Variants in BEND3 observed in about 807,000 individuals in gnomAD.
BEND3 encodes the protein BEN domain containing 3, also known as BEN domain-containing protein 3.
A neutral mutation model predicts 60.1 loss-of-function variants in BEND3; 13 were observed. The observed-to-expected ratio is 0.22, with a 90% confidence interval of 0.14 to 0.34. BEND3 has a LOEUF of 0.34. Ranked by LOEUF, BEND3 falls within the 10% of genes least tolerant of loss-of-function variation. The pLI is 1.00. For synonymous variants in BEND3, 497 were observed against 491.5 expected, an observed-to-expected ratio of 1.01 and a Z score of -0.15; for missense variants, 896 against 1,138.1, an observed-to-expected ratio of 0.79 and a Z score of 3.06.
At chr6:107,096,365 A>G (rs534276115) in intron 3 of BEND3, among the ~76,000 whole-genome samples, 2 of 152,324 alleles carry the variant, frequency 1.3e-5, no homozygotes, top group Admixed American at 6.5e-5. Context: ...TAATCCCAGC[A>G]ATCTGGAAGG....
At position 107,069,365 on chromosome 6, in the gene BEND3, G is replaced by A. The variant is rs782176991; in HGVS notation, c.1826C>T (p.Ser609Phe). The A allele has an allele frequency of 8.7e-6, 14 of 1,612,770 alleles. No individual in the cohort carries two copies. Among genetic ancestry groups the A allele is most frequent in the Non-Finnish European group, 1.2e-5 (14 of 1,179,904 alleles). The change falls in exon 4 of 4, where the codon TCC becomes TTC. Residue 609 changes from serine to phenylalanine, a missense_variant. By Grantham distance (155) the Ser-to-Phe change is radical. Coordinates refer to ENST00000369042, the MANE Select transcript of BEND3 (RefSeq NM_001367314.1). ...GSLGKKQLDPSRIKLIRHYVQ... is the reference protein window; with the variant it reads ...GSLGKKQLDPFRIKLIRHYVQ... ...GTAGTGGCGGATGAGCTTGATGCGG[G>A]AGGGGTCCAGCTGCTTCTTGCCCAG...
chr6:107,097,498 G>A (rs993002467), intron 3 of BEND3, among the ~76,000 whole-genome samples: 1 of 149,650 alleles, frequency 6.7e-6, no homozygotes, highest in Non-Finnish European at 1.5e-5. Flanking sequence ...GTAAATAAAA[G>A]TATCACTCAT....
At chr6:107,098,781 T>G (rs574342843) in intron 2 of BEND3, 28 bp from the exon 3 acceptor site, 9 of 1,601,050 alleles carry the variant, frequency 5.6e-6, no homozygotes, top group South Asian at 4.4e-5. Context: ...TAGGGCTCAG[T>G]GGGAAAAACC....
intron 1 of BEND3, among the ~76,000 whole-genome samples, chr6:107,108,938 G>A (rs1562318228): frequency 6.6e-6 from 1 of 152,118 alleles, no homozygotes; most frequent in Non-Finnish European, 1.5e-5. Context: ...CCGAGTAGCT[G>A]GGACAACAGT....
intron 1 of BEND3, among the ~76,000 whole-genome samples, chr6:107,101,111 A>T (rs894146430): frequency 6.6e-6 from 1 of 152,178 alleles, no homozygotes; most frequent in Non-Finnish European, 1.5e-5. Flanking sequence ...CTGAGGCAGG[A>T]GAACTGCTTG....
chr6:107,102,408 C>A (rs1285264681), intron 1 of BEND3, among the ~76,000 whole-genome samples: 6 of 152,168 alleles, frequency 3.9e-5, no homozygotes, highest in African/African-American at 1.4e-4. Flanking sequence ...GCAATTTGGC[C>A]TCTGAATTTT....
At chr6:107,103,979 GA>G (rs1775759011) in intron 1 of BEND3, among the ~76,000 whole-genome samples, 1 of 145,030 alleles carries the variant, frequency 6.9e-6, no homozygotes, top group Non-Finnish European at 1.5e-5. Flanking sequence ...AAGAAAGAAA[GA>G]AAGAAAGAAA....
intron 3 of BEND3, among the ~76,000 whole-genome samples, chr6:107,094,816 G>A (rs1426609861): frequency 9.4e-6 from 1 of 106,250 alleles, no homozygotes; most frequent in Non-Finnish European, 1.8e-5. Flanking sequence ...CTATGTCACT[G>A]CCTTTTTTTT....
chr6:107,099,961 C>T (rs1582666868), intron 1 of BEND3, among the ~76,000 whole-genome samples: 1 of 152,046 alleles, frequency 6.6e-6, no homozygotes, highest in African/African-American at 2.4e-5. Context: ...CCTCTGATTC[C>T]TGGGCTCTAG....
At chr6:107,076,156 C>A (rs1291493920) in intron 3 of BEND3, among the ~76,000 whole-genome samples, 1 of 152,188 alleles carries the variant, frequency 6.6e-6, no homozygotes, top group Non-Finnish European at 1.5e-5. Context: ...GCTCAGTGCT[C>A]CAATTAATTC....
Position 107,069,844 on chromosome 6 carries a change from C to A in BEND3, c.1347G>T (p.Gln449His). ...GKQELDPQRL[Q>H]IIRNYTEIYF... ...AGATCTCCGTGTAGTTGCGGATGAT[C>A]TGCAGCCGCTGCGGGTCCAGCTCCT... The change falls in exon 4 of 4, where the codon CAG (glutamine) becomes CAT (histidine). Residue 449 changes from glutamine (Q) to histidine (H), a missense_variant. Gln to His is a conservative substitution (Grantham distance 24, BLOSUM62 0). Coordinates refer to ENST00000369042, the MANE Select transcript of BEND3 (RefSeq NM_001367314.1). 1.2e-6 allele frequency: 2 copies of A among 1,613,572 alleles called. No individual in the cohort carries two copies. Among genetic ancestry groups the A allele is most frequent in the South Asian group, 1.1e-5 (1 of 91,084 alleles).
In BEND3 at chr6:107,070,949, G is replaced by A. The variant is rs781804785; in HGVS notation, c.242C>T (p.Ala81Val). 2 of 1,601,698 alleles carry A rather than the reference G, an allele frequency of 1.2e-6. No homozygotes were observed. The highest frequency in any genetic ancestry group is 8.5e-7 in the Non-Finnish European group (1 of 1,174,080). Residue 81 changes from alanine to valine, a missense_variant and splice_region_variant, in exon 4 of 4, where the codon GCT (alanine) becomes GTT (valine). This residue lies in a region of BEND3 where 846 missense variants were observed against 1,036.7 expected (regional missense o/e 0.82). Transcript: ENST00000369042. This position sits in a 1 kb window ranked among gnomAD's most constrained non-coding sequence, Gnocchi z 6.9. ...GVKRRRLIPE[A>V]LLAGMRNREN... ...ACGGTTCCGCATGCCTGCTAGGAGAGCCTGCAAAACAAAAATCATTTCCCA... is the reference window on the plus strand; with the variant it reads ...ACGGTTCCGCATGCCTGCTAGGAGAACCTGCAAAACAAAAATCATTTCCCA...
chr6:107,106,385 AG>A (rs1775814916), intron 1 of BEND3, among the ~76,000 whole-genome samples: 2 of 152,176 alleles, frequency 1.3e-5, no homozygotes, highest in East Asian at 1.9e-4. Flanking sequence ...CAGCCTTCCA[AG>A]GAAGCTGGGA....
chr6:107,080,799 A>G (rs1562304113), intron 3 of BEND3, among the ~76,000 whole-genome samples: 2 of 151,662 alleles, frequency 1.3e-5, no homozygotes, highest in Admixed American at 6.6e-5. Context: ...CAGAAAAATC[A>G]CTTGCACCTG....
chr6:107,094,391 G>T (rs1000026691), intron 3 of BEND3, among the ~76,000 whole-genome samples: 2 of 152,070 alleles, frequency 1.3e-5, no homozygotes, highest in Admixed American at 6.6e-5. Context: ...GGAGGCTGAG[G>T]GGGGTGGATC....
chr6:107,090,298 A>G (rs1168199988), intron 3 of BEND3, among the ~76,000 whole-genome samples: 1 of 152,132 alleles, frequency 6.6e-6, no homozygotes, highest in Non-Finnish European at 1.5e-5. Context: ...GCACTGAGCC[A>G]AGATCGCACC....
rs1775635374 is a variant in BEND3, at chr6:107,098,537, A to G, written c.240+14T>C. On this transcript the variant is annotated intron_variant, in intron 3 of 3. Transcript: ENST00000369042. ...TAGAGCCCAAGCAAAGAGTGACAGC[A>G]GCTAGGCCCTCACCTCGGGGATCAG... 1 of 1,610,158 alleles carries G rather than the reference A, an allele frequency of 6.2e-7. No individual in the cohort carries two copies. Among genetic ancestry groups the G allele is most frequent in the Non-Finnish European group, 8.5e-7 (1 of 1,179,634 alleles).
intron 3 of BEND3, among the ~76,000 whole-genome samples, chr6:107,084,976 A>G (rs1554234003): frequency 6.6e-6 from 1 of 152,212 alleles, no homozygotes; most frequent in Admixed American, 6.5e-5. Context: ...CGCTCTTCAC[A>G]ATAAATCTTG....
intron 1 of BEND3, among the ~76,000 whole-genome samples, chr6:107,113,445 AAAAAAAAAC>A (rs1212166356): frequency 3.5e-5 from 5 of 140,884 alleles, no homozygotes; most frequent in East Asian, 4.1e-4. Flanking sequence ...CTCAAAAAAA[AAAAAAAAAC>A]AAAAAAAAAA....
Sources: allele counts gnomAD v4.1 joint callset (sites outside exome capture counted in the v4.1 genomes callset), GRCh38; gene constraint gnomAD v4.1.1; regional missense constraint gnomAD v4.1.1; non-coding constraint Gnocchi (gnomAD v3.1); transcripts MANE v1.5; gene names NCBI Gene and HGNC (gene_info 2026-07-23, HGNC 2026-07-21).